The following PCDH11X variants were observed in gnomAD, a reference collection of about 807,000 sequenced individuals.
The protein encoded by PCDH11X is protocadherin 11 X-linked, also known as protocadherin-11 X-linked.
In PCDH11X, 18 loss-of-function variants were observed where a neutral mutation model predicts 53.3. That is an observed-to-expected ratio of 0.34 (90% CI 0.23 to 0.50). The LOEUF is 0.50. Among genes scored for constraint, PCDH11X ranks in the 20% least tolerant of loss-of-function variants. PCDH11X has a pLI of 0.98. For synonymous variants in PCDH11X, 279 were observed against 393.3 expected (o/e 0.71, Z 3.44); for missense variants, 570 against 1,032.4 (o/e 0.55, Z 6.14).
intron 8 of PCDH11X, among the ~76,000 whole-genome samples, chrX:92,283,859 C>G (rs913397948): frequency 9.0e-6 from 1 of 111,392 alleles, no homozygotes; most frequent in South Asian, 3.7e-4. Flanking sequence ...TGAAGGTAGA[C>G]ATATTTCTCT....
intron 10 of PCDH11X, among the ~76,000 whole-genome samples, chrX:92,555,738 C>A (rs1310866950): frequency 1.8e-5 from 2 of 110,975 alleles, no homozygotes; most frequent in African/African-American, 6.5e-5. Context: ...AAGGTTCTGT[C>A]CTTCTCTGAT....
At chrX:92,298,928 A>G (rs1235921588) in intron 8 of PCDH11X, among the ~76,000 whole-genome samples, 1 of 111,962 alleles carries the variant, frequency 8.9e-6, no homozygotes, top group Non-Finnish European at 1.9e-5. Flanking sequence ...CATTCATTTA[A>G]AGACATAAGT....
chrX:92,579,169 T>G (rs370278091), intron 10 of PCDH11X, among the ~76,000 whole-genome samples: 24 of 100,572 alleles, frequency 2.4e-4, no homozygotes, highest in African/African-American at 8.6e-4. Flanking sequence ...TCATGGGCTG[T>G]CCTTAATATT....
At chrX:92,366,672 C>T (rs2070481481) in intron 8 of PCDH11X, among the ~76,000 whole-genome samples, 2 of 81,046 alleles carry the variant, frequency 2.5e-5, no homozygotes, top group African/African-American at 9.6e-5. Context: ...AGCTGTGTCC[C>T]GGAGATTCTG....
chrX:92,266,586 AG>A, intron 8 of PCDH11X, among the ~76,000 whole-genome samples: 1 of 111,809 alleles, frequency 8.9e-6, no homozygotes, highest in African/African-American at 3.2e-5. Flanking sequence ...TAGATAAGCT[AG>A]TGGCATTCAC....
Position 92,424,739 on chromosome X carries a change from C to T in PCDH11X, c.3343+36806C>T, listed in dbSNP as rs1478320898. Reference sequence around the variant, plus strand: ...AGGAAACTCATCCCTGAGTGTGTTGCTTCTCTATGTTTTGACTCTTTTTCT... The same window carrying T: ...AGGAAACTCATCCCTGAGTGTGTTGTTTCTCTATGTTTTGACTCTTTTTCT... On this transcript the variant is annotated intron_variant, in intron 9 of 10. Coordinates refer to ENST00000682573, the MANE Select transcript of PCDH11X (RefSeq NM_032968.5). Among the ~76,000 whole-genome samples the T allele has an allele frequency of 2.0e-4, 20 of 97,761 alleles. 6 individuals carry two copies. Among genetic ancestry groups the T allele is most frequent in the Non-Finnish European group, 2.3e-5 (1 of 44,207 alleles). 84.9% of individuals were successfully genotyped at this position (97,761 alleles called of 115,157 possible). A position where few individuals can be genotyped will look rare whatever the true frequency, so the allele number is the denominator to read the frequency against.
chrX:92,289,480 T>C (rs1004153494), intron 8 of PCDH11X, among the ~76,000 whole-genome samples: 3 of 111,960 alleles, frequency 2.7e-5, no homozygotes, highest in Non-Finnish European at 3.8e-5. Flanking sequence ...TATTTCAGCT[T>C]TCACTTATAA....
chrX:92,003,895 T>C (rs1175646279), intron 6 of PCDH11X, among the ~76,000 whole-genome samples: 1 of 111,036 alleles, frequency 9.0e-6, no homozygotes, highest in East Asian at 2.8e-4. Context: ...ATTTGTGCTC[T>C]GATATTTATT....
intron 5 of PCDH11X, among the ~76,000 whole-genome samples, chrX:91,851,792 C>G (rs1053286406): frequency 9.0e-6 from 1 of 111,031 alleles, no homozygotes; most frequent in African/African-American, 3.3e-5. Flanking sequence ...TTTTTATCAC[C>G]TCTATTTTCA....
chrX:92,122,472 C>A lies in PCDH11X; in HGVS notation c.3034-78903C>A, dbSNP rs143310763. 4.2e-3 allele frequency among the ~76,000 whole-genome samples: 466 copies of A among 111,660 alleles called. 5 individuals are homozygous for A. The highest frequency in any genetic ancestry group is 0.015 in the African/African-American group (456 of 30,731). ...AGTCTTTAGTTCATAATGTGTGTTT[C>A]TTTCTGTCATACTTAACATGCCTAT... is the stretch of plus-strand genomic sequence containing the variant. On this transcript the variant is annotated intron_variant, in intron 6 of 10. Transcript: ENST00000682573.
intron 4 of PCDH11X, among the ~76,000 whole-genome samples, chrX:91,822,423 A>G (rs1936725220): frequency 9.1e-6 from 1 of 110,119 alleles, no homozygotes; most frequent in Non-Finnish European, 1.9e-5. Flanking sequence ...GTGTCAAGGA[A>G]TTTATCCATT....
chrX:92,357,855 A>G (rs1225753922), intron 8 of PCDH11X, among the ~76,000 whole-genome samples: 4 of 111,472 alleles, frequency 3.6e-5, no homozygotes, highest in African/African-American at 1.3e-4. Flanking sequence ...AGAGAATTGA[A>G]TATATTGAAA....
At chrX:92,115,354 G>T in intron 6 of PCDH11X, among the ~76,000 whole-genome samples, 1 of 110,396 alleles carries the variant, frequency 9.1e-6, no homozygotes, top group Middle Eastern at 4.7e-3. Flanking sequence ...GAGTAATAAA[G>T]TTTAATTTTA....
At chrX:92,490,976 A>G (rs987056979) in intron 10 of PCDH11X, among the ~76,000 whole-genome samples, 6 of 108,345 alleles carry the variant, frequency 5.5e-5, no homozygotes, top group Non-Finnish European at 9.6e-5. Context: ...TTAACTACGA[A>G]AAGGTCAACT....
intron 6 of PCDH11X, among the ~76,000 whole-genome samples, chrX:92,006,926 G>A (rs1326009434): frequency 1.8e-5 from 2 of 111,513 alleles, no homozygotes; most frequent in African/African-American, 6.5e-5. Context: ...AGAGACTCTT[G>A]TTCTCTTCTC....
intron 1 of PCDH11X, among the ~76,000 whole-genome samples, chrX:91,807,605 A>T (rs1936161947): frequency 9.0e-6 from 1 of 111,159 alleles, no homozygotes; most frequent in Non-Finnish European, 1.9e-5. Context: ...TTTAGAATCT[A>T]TGTGTTAGCA....
chrX:92,464,109 T>C (rs886728738), intron 9 of PCDH11X, among the ~76,000 whole-genome samples: 3 of 111,948 alleles, frequency 2.7e-5, no homozygotes, highest in African/African-American at 9.7e-5. Context: ...TTATTGAAAC[T>C]CAAGGCACAG....
intron 8 of PCDH11X, among the ~76,000 whole-genome samples, chrX:92,372,252 C>T (rs1179943385): frequency 1.8e-5 from 2 of 111,094 alleles, no homozygotes; most frequent in Non-Finnish European, 3.8e-5. Flanking sequence ...TGATAAGCAA[C>T]TCCTGTTACT....
At chrX:91,940,030 G>T (rs2147853884) in intron 6 of PCDH11X, among the ~76,000 whole-genome samples, 1 of 110,983 alleles carries the variant, frequency 9.0e-6, no homozygotes, top group Admixed American at 9.6e-5. Flanking sequence ...TTGGAGGTGG[G>T]CCTGGTGGGA....
Sources: gnomAD v4.1 joint callset for allele counts (sites outside exome capture counted in the v4.1 genomes callset) on GRCh38, gnomAD v4.1.1 for gene constraint, MANE v1.5 for transcripts, NCBI Gene and HGNC (gene_info 2026-07-23, HGNC 2026-07-21) for gene names.